PPID: variants seen among roughly 807,000 people sequenced by gnomAD.
The protein encoded by PPID is peptidylprolyl isomerase D.
PPID carries 47 observed loss-of-function variants against 48.1 expected under a neutral mutation model. The ratio of observed to expected loss-of-function variants is 0.98; its 90% CI spans 0.77 to 1.25. The LOEUF is 1.25. Ranked by LOEUF, PPID falls within the 50% of genes most tolerant of loss-of-function variation. The pLI is 0.00. For missense variants in PPID, 429 were observed against 443.5 expected (o/e 0.97, Z 0.29); for synonymous variants, 163 against 148.8 (o/e 1.10, Z -0.69).
At chr4:158,717,352 A>T in intron 3 of PPID, 152 bp from the exon 4 acceptor site, 1 of 553,952 alleles carries the variant, frequency 1.8e-6, no homozygotes, top group Non-Finnish European at 2.8e-6. Context: ...TTCACTTATA[A>T]AATTTTTTAA....
rs1390705717 is a variant in PPID, at chr4:158,723,268, T to A, written c.21A>T (p.Gln7His). MSHPSPQAKPSNPSNPR... is the reference protein window; with the variant it reads MSHPSPHAKPSNPSNPR... ...GGTTACTGGGGTTGGAGGGCTTGGC[T>A]TGGGGGGACGGGTGCGACATCTTGA... Residue 7 changes from glutamine to histidine, a missense_variant, in exon 1 of 10, where the codon CAA becomes CAT. By Grantham distance (24) the Gln-to-His change is conservative. Coordinates refer to ENST00000307720, the MANE Select transcript of PPID (RefSeq NM_005038.3). 1 of 1,613,848 alleles carries A rather than the reference T, an allele frequency of 6.2e-7. No individual in the cohort carries two copies. Among genetic ancestry groups the A allele is most frequent in the Non-Finnish European group, 8.5e-7 (1 of 1,179,988 alleles).
Position 158,721,486 on chromosome 4 carries a change from AAAAG to A in PPID, c.86-7_86-4del. 1 of 1,611,780 alleles carries A rather than the reference AAAAG, an allele frequency of 6.2e-7. No homozygotes were observed. Among genetic ancestry groups the A allele is most frequent in the South Asian group, 1.1e-5 (1 of 90,168 alleles). ...CAATTCTAAGACAATTCGACCAACT[AAAAG>A]AAAAGAAAATCTTGTCAGTATGCAA... is the stretch of plus-strand genomic sequence containing the variant. On this transcript the variant is annotated splice_region_variant and splice_polypyrimidine_tract_variant and intron_variant, in intron 1 of 9. Coordinates refer to ENST00000307720, the MANE Select transcript of PPID (RefSeq NM_005038.3).
At chr4:158,709,964 G>A (rs1367039923) in intron 9 of PPID, 140 bp from the exon 10 acceptor site, 3 of 622,828 alleles carry the variant, frequency 4.8e-6, no homozygotes, top group Non-Finnish European at 8.3e-6. Context: ...GAAAATCTGA[G>A]CAATCACACA....
chr4:158,720,134 G>A (rs1774934176), intron 2 of PPID, among the ~76,000 whole-genome samples: 1 of 152,128 alleles, frequency 6.6e-6, no homozygotes, highest in South Asian at 2.1e-4. Flanking sequence ...CCAAAAGAGA[G>A]CACACATTCA....
At position 158,710,646 on chromosome 4, in the gene PPID, T is replaced by G. The variant is rs762097732; in HGVS notation, c.1006A>C (p.Ile336Leu). The G allele has an allele frequency of 6.2e-7, 1 of 1,613,772 alleles. No individual in the cohort carries two copies. The highest frequency in any genetic ancestry group is 8.5e-7 in the Non-Finnish European group (1 of 1,179,876). Reference sequence around the variant, plus strand: ...AACTTACCTTTATCTTCTGGTGCTATCCCCTGAGCTTTCTTAAGATCAGCC... The same window carrying G: ...AACTTACCTTTATCTTCTGGTGCTAGCCCCTGAGCTTTCTTAAGATCAGCC... Reference protein sequence around the residue: ...ALADLKKAQGIAPEDKAIQAE... With the variant: ...ALADLKKAQGLAPEDKAIQAE... Residue 336 changes from isoleucine (I) to leucine (L), a missense_variant, in exon 9 of 10, where the codon ATA (isoleucine) becomes CTA (leucine). Coordinates refer to ENST00000307720, the MANE Select transcript of PPID (RefSeq NM_005038.3).
chr4:158,715,975 T>A (rs992858724), intron 4 of PPID, among the ~76,000 whole-genome samples: 1 of 152,226 alleles, frequency 6.6e-6, no homozygotes, highest in Non-Finnish European at 1.5e-5. Flanking sequence ...TTACTACTAT[T>A]CTTGTCATAC....
At chr4:158,710,888 T>G in intron 7 of PPID, 40 bp from the exon 8 acceptor site, 1 of 1,516,288 alleles carries the variant, frequency 6.6e-7, no homozygotes. Context: ...ATCAAAGTAT[T>G]AAGCTTATAT....
At chr4:158,714,867 G>A (rs908097088) in intron 6 of PPID, among the ~76,000 whole-genome samples, 2 of 152,178 alleles carry the variant, frequency 1.3e-5, no homozygotes, top group Non-Finnish European at 2.9e-5. Context: ...TGGGATTATA[G>A]GCATGAGCCA....
At chr4:158,712,485 G>A (rs967855546) in intron 7 of PPID, among the ~76,000 whole-genome samples, 12 of 152,026 alleles carry the variant, frequency 7.9e-5, no homozygotes, top group African/African-American at 2.2e-4. Flanking sequence ...ACTACTTCAC[G>A]GTGGCTCACA....
chr4:158,709,632 G>A lies in PPID; in HGVS notation c.*104C>T, dbSNP rs535893504. 37 of 775,162 alleles carry A rather than the reference G, an allele frequency of 4.8e-5. No individual in the cohort carries two copies. In the South Asian group the frequency reaches 5.3e-4, roughly 11 times the overall value. The allele number at this position is 775,162 out of a possible 1,614,324, so 48.0% of individuals were successfully genotyped here. On this transcript the variant is annotated 3_prime_UTR_variant, in exon 10 of 10. Transcript: ENST00000307720. ...AAACTGTAAACAGTAAGGAACTAAGGTGTCAAAAGAAACACATTAGGGATC... is the reference window on the plus strand; with the variant it reads ...AAACTGTAAACAGTAAGGAACTAAGATGTCAAAAGAAACACATTAGGGATC...
rs371764900 is a variant in PPID at position 158,719,283 on chromosome 4, A to G, written c.230T>C (p.Ile77Thr). Residue 77 changes from isoleucine (I) to threonine (T), a missense_variant, in exon 3 of 10, where the codon ATT becomes ACT. Transcript: ENST00000307720. ...HFKGCPFHRI[I>T]KKFMIQGGDF... Reference sequence around the variant, plus strand: ...TCCACCCTGAATCATAAATTTCTTAATAACTACAAAAAAGGAAAATGGCTA... The same window carrying G: ...TCCACCCTGAATCATAAATTTCTTAGTAACTACAAAAAAGGAAAATGGCTA... 41 of 1,594,178 alleles carry G rather than the reference A, an allele frequency of 2.6e-5. No homozygotes were observed. Among genetic ancestry groups the G allele is most frequent in the African/African-American group, 1.1e-4 (8 of 74,402 alleles).
intron 7 of PPID, among the ~76,000 whole-genome samples, chr4:158,711,725 T>C (rs1774793882): frequency 6.6e-6 from 1 of 152,102 alleles, no homozygotes; most frequent in South Asian, 2.1e-4. Flanking sequence ...CAGCACTTTG[T>C]GAGGCCAAGG....
intron 4 of PPID, among the ~76,000 whole-genome samples, 192 bp from the exon 5 acceptor site, chr4:158,715,876 G>A (rs1408513670): frequency 6.6e-6 from 1 of 152,072 alleles, no homozygotes; most frequent in African/African-American, 2.4e-5. Context: ...GCATTTTATT[G>A]CTATTCAGGA....
At chr4:158,716,559 T>TAAAAAA (rs33958032) in intron 4 of PPID, among the ~76,000 whole-genome samples, 2 of 138,242 alleles carry the variant, frequency 1.4e-5, no homozygotes, top group Non-Finnish European at 1.6e-5. Flanking sequence ...GTAGAAAAGT[T>TAAAAAA]AAAAAAAAAA....
chr4:158,711,220 T>G (rs1304258541), intron 7 of PPID, among the ~76,000 whole-genome samples: 1 of 152,080 alleles, frequency 6.6e-6, no homozygotes. Flanking sequence ...TATAAACTCT[T>G]AAGTTTTTGT....
In PPID at chr4:158,717,110, A is replaced by C; in HGVS notation, c.424T>G (p.Leu142Val). The change falls in exon 4 of 10, where the codon TTG becomes GTG. Residue 142 changes from leucine to valine, a missense_variant. Physicochemically the swap from Leu to Val is conservative, Grantham distance 32. Coordinates refer to ENST00000307720, the MANE Select transcript of PPID (RefSeq NM_005038.3). ...FFITTVPTPH[L>V]DGKHVVFGQV... is the part of the protein sequence containing the mutation. Reference sequence around the variant, plus strand: ...CCAAACACCACATGTTTCCCATCCAAATGAGGAGTTGGAACTGTTGTGATA... The same window carrying C: ...CCAAACACCACATGTTTCCCATCCACATGAGGAGTTGGAACTGTTGTGATA... 1 of 1,614,026 alleles carries C rather than the reference A, an allele frequency of 6.2e-7. No individual in the cohort carries two copies.
intron 7 of PPID, among the ~76,000 whole-genome samples, chr4:158,711,538 C>G (rs1271873738): frequency 6.6e-6 from 1 of 152,128 alleles, no homozygotes; most frequent in Non-Finnish European, 1.5e-5. Flanking sequence ...AGGTTCTTAC[C>G]TACAACAGGT....
intron 3 of PPID, among the ~76,000 whole-genome samples, chr4:158,718,865 C>T (rs1774911476): frequency 6.6e-6 from 1 of 152,140 alleles, no homozygotes; most frequent in African/African-American, 2.4e-5. Context: ...GATAAGGATG[C>T]ACAAGTTACC....
chr4:158,723,374 G>C lies in PPID; in HGVS notation c.-86C>G. On this transcript the variant is annotated 5_prime_UTR_variant, in exon 1 of 10. Coordinates refer to ENST00000307720, the MANE Select transcript of PPID (RefSeq NM_005038.3). ...CCAAACTCCAGAGTCCGTCTCCGCCGGAGACCGGCAGCGACGCTGACCGGC... is the reference window on the plus strand; with the variant it reads ...CCAAACTCCAGAGTCCGTCTCCGCCCGAGACCGGCAGCGACGCTGACCGGC... 1.5e-6 allele frequency: 2 copies of C among 1,373,250 alleles called. No individual in the cohort carries two copies. The highest frequency in any genetic ancestry group is 2.0e-6 in the Non-Finnish European group (2 of 982,252). The allele number at this position is 1,373,250 out of a possible 1,614,324, so 85.1% of individuals were successfully genotyped here.
Sources: allele counts gnomAD v4.1 joint callset (sites outside exome capture counted in the v4.1 genomes callset), GRCh38; gene constraint gnomAD v4.1.1; transcripts MANE v1.5; gene names NCBI Gene and HGNC (gene_info 2026-07-23, HGNC 2026-07-21).